SRPK2: variants seen among roughly 807,000 people sequenced by gnomAD.
The protein encoded by SRPK2 is SRSF protein kinase 2, also known as SFRS protein kinase 2.
In SRPK2, 21 loss-of-function variants were observed where a neutral mutation model predicts 90.8. The ratio of observed to expected loss-of-function variants is 0.23; its 90% CI spans 0.16 to 0.33. The LOEUF (loss-of-function observed/expected upper bound fraction) is 0.33. Among genes scored for constraint, SRPK2 ranks in the 10% least tolerant of loss-of-function variants. The pLI is 1.00. For synonymous variants in SRPK2, 288 were observed against 311.1 expected (o/e 0.93, Z 0.78); for missense variants, 620 against 869.0 (o/e 0.71, Z 3.60).
At chr7:105,237,515 T>C (rs950186398) in intron 2 of SRPK2, among the ~76,000 whole-genome samples, 3 of 152,254 alleles carry the variant, frequency 2.0e-5, no homozygotes, top group African/African-American at 7.2e-5. Context: ...AAACTGATCA[T>C]TATTCTGGAG....
chr7:105,175,016 AC>A, intron 3 of SRPK2, among the ~76,000 whole-genome samples: 1 of 152,152 alleles, frequency 6.6e-6, no homozygotes, highest in Admixed American at 6.5e-5. Flanking sequence ...GTGGTGGTGC[AC>A]GCCTGTAGTC....
intron 2 of SRPK2, among the ~76,000 whole-genome samples, chr7:105,301,371 G>A (rs1330998914): frequency 3.3e-5 from 5 of 151,760 alleles, no homozygotes; most frequent in Admixed American, 1.3e-4. Flanking sequence ...CCAGGGGCAC[G>A]CACGATTGGC....
intron 2 of SRPK2, among the ~76,000 whole-genome samples, chr7:105,375,802 G>A: frequency 6.6e-6 from 1 of 151,846 alleles, no homozygotes; most frequent in East Asian, 1.9e-4. Flanking sequence ...CCCATATCAT[G>A]TATTATGCAA....
At chr7:105,197,232 G>C (rs1035960012) in intron 3 of SRPK2, among the ~76,000 whole-genome samples, 3 of 152,014 alleles carry the variant, frequency 2.0e-5, no homozygotes, top group Non-Finnish European at 4.4e-5. Flanking sequence ...ATGGGTAAAG[G>C]CAATTTGTGT....
At chr7:105,338,965 AAGGG>A (rs1444525054) in intron 2 of SRPK2, among the ~76,000 whole-genome samples, 2 of 152,210 alleles carry the variant, frequency 1.3e-5, no homozygotes, top group Non-Finnish European at 2.9e-5. Context: ...ACACAACAAA[AAGGG>A]AGAGCAGTCA....
chr7:105,181,034 C>T (rs756482308), intron 3 of SRPK2, among the ~76,000 whole-genome samples: 1 of 152,112 alleles, frequency 6.6e-6, no homozygotes, highest in Non-Finnish European at 1.5e-5. Flanking sequence ...AAGCAAAAAA[C>T]CACCCCATTA....
intron 2 of SRPK2, among the ~76,000 whole-genome samples, chr7:105,264,066 A>G (rs1269580548): frequency 6.6e-6 from 1 of 152,142 alleles, no homozygotes; most frequent in Non-Finnish European, 1.5e-5. Context: ...ACGAAGAAAG[A>G]CCCTTTGGTT....
intron 2 of SRPK2, among the ~76,000 whole-genome samples, chr7:105,287,027 C>G (rs552363866): frequency 6.6e-6 from 1 of 150,570 alleles, no homozygotes. Flanking sequence ...TTTGGGAGGC[C>G]GAGGCGGGCG....
intron 2 of SRPK2, among the ~76,000 whole-genome samples, chr7:105,386,013 T>C (rs1821539032): frequency 1.3e-5 from 2 of 152,176 alleles, no homozygotes; most frequent in Non-Finnish European, 2.9e-5. Flanking sequence ...GAGCTTTGTC[T>C]TGTTCAAAAC....
intron 7 of SRPK2, among the ~76,000 whole-genome samples, chr7:105,147,252 C>A (rs1382259879): frequency 1.3e-5 from 2 of 152,058 alleles, no homozygotes; most frequent in African/African-American, 2.4e-5. Context: ...ACAATTGACC[C>A]CTTTAGGTAT....
chr7:105,385,094 G>A lies in SRPK2; in HGVS notation c.71+3554C>T, dbSNP rs367990038. Among the ~76,000 whole-genome samples, 415 of 149,238 alleles carry A rather than the reference G, an allele frequency of 2.8e-3. 9 individuals carry two copies. The East Asian group carries it at 0.055, about 20-fold the overall frequency. Reference sequence around the variant, plus strand: ...TCACCGTGTTAGCCAGGATGGTCTCGATCTCCTGACCTCGTGATCCGCCCG... The same window carrying A: ...TCACCGTGTTAGCCAGGATGGTCTCAATCTCCTGACCTCGTGATCCGCCCG... On this transcript the variant is annotated intron_variant, in intron 2 of 15. Transcript: ENST00000393651.
chr7:105,238,527 C>T (rs188334928), intron 2 of SRPK2, among the ~76,000 whole-genome samples: 1 of 152,322 alleles, frequency 6.6e-6, no homozygotes, highest in Admixed American at 6.5e-5. Flanking sequence ...AGTGGCAAGA[C>T]ACATCTAGCA....
chr7:105,198,496 C>T (rs796180453), intron 3 of SRPK2, among the ~76,000 whole-genome samples: 16 of 152,226 alleles, frequency 1.1e-4, no homozygotes, highest in African/African-American at 3.9e-4. Flanking sequence ...CAGCTTGTGC[C>T]CAGACAACAG....
chr7:105,141,048 C>G (rs963168338), intron 11 of SRPK2, among the ~76,000 whole-genome samples: 1 of 152,184 alleles, frequency 6.6e-6, no homozygotes, highest in Admixed American at 6.5e-5. Flanking sequence ...CACTACTGCC[C>G]TTTCCCAGAA....
At chr7:105,295,236 T>C (rs981849649) in intron 2 of SRPK2, among the ~76,000 whole-genome samples, 13 of 151,516 alleles carry the variant, frequency 8.6e-5, no homozygotes, top group Admixed American at 5.9e-4. Flanking sequence ...TGAATGAAAA[T>C]ATTTTATTAA....
At chr7:105,278,428 C>T (rs1806805803) in intron 2 of SRPK2, among the ~76,000 whole-genome samples, 1 of 150,552 alleles carries the variant, frequency 6.6e-6, no homozygotes, top group Admixed American at 6.6e-5. Context: ...AATCCCAGCA[C>T]TTTGGGAGGC....
chr7:105,334,635 C>T (rs769324418), intron 2 of SRPK2, among the ~76,000 whole-genome samples: 2 of 151,906 alleles, frequency 1.3e-5, no homozygotes, highest in South Asian at 2.1e-4. Flanking sequence ...GTCAGGAGTC[C>T]GAGACCAGCC....
At chr7:105,270,447 G>A (rs900145777) in intron 2 of SRPK2, among the ~76,000 whole-genome samples, 2 of 143,412 alleles carry the variant, frequency 1.4e-5, no homozygotes, top group East Asian at 2.1e-4. Context: ...TTCACTCGTT[G>A]CCCAGGCTAG....
At chr7:105,175,896 TA>T (rs1224266483) in intron 3 of SRPK2, among the ~76,000 whole-genome samples, 1 of 152,138 alleles carries the variant, frequency 6.6e-6, no homozygotes, top group Admixed American at 6.5e-5. Context: ...AATGCATTGG[TA>T]TATTTTATCT....
Sources: gnomAD v4.1 joint callset for allele counts (sites outside exome capture counted in the v4.1 genomes callset) on GRCh38, gnomAD v4.1.1 for gene constraint, MANE v1.5 for transcripts, NCBI Gene and HGNC (gene_info 2026-07-23, HGNC 2026-07-21) for gene names.